NIPAL1: variants seen among roughly 807,000 people sequenced by gnomAD.
NIPAL1 encodes magnesium transporter NIPA3.
A neutral mutation model predicts 37.7 loss-of-function variants in NIPAL1; 35 were observed. That is an observed-to-expected ratio of 0.93 (90% CI 0.71 to 1.23). The LOEUF (loss-of-function observed/expected upper bound fraction) is 1.23, where lower values mean the gene tolerates loss of function less well. Ranked by LOEUF, NIPAL1 falls within the 50% of genes most tolerant of loss-of-function variation. The probability of loss-of-function intolerance (pLI) is 0.00; values close to 1 mark genes in which losing one functional copy is unlikely to be tolerated. For synonymous variants in NIPAL1, 162 were observed against 183.0 expected, an observed-to-expected ratio of 0.89 and a Z score of 0.93; for missense variants, 412 against 473.9, an observed-to-expected ratio of 0.87 and a Z score of 1.21.
At chr4:48,031,842 G>A (rs372147908) in intron 3 of NIPAL1, among the ~76,000 whole-genome samples, 2 of 151,934 alleles carry the variant, frequency 1.3e-5, no homozygotes, top group East Asian at 1.9e-4. Flanking sequence ...AGATTCAAAC[G>A]ATTCTCCTGC....
chr4:48,030,088 T>G (rs1429710731), intron 2 of NIPAL1, 32 bp from the exon 3 acceptor site: 1 of 1,412,310 alleles, frequency 7.1e-7, no homozygotes, highest in South Asian at 1.2e-5. Context: ...GTAGAACCCA[T>G]TTTTTGTTAA....
chr4:48,039,033 T>A lies in NIPAL1; in HGVS notation c.*2861T>A, dbSNP rs1215662660. On this transcript the variant is annotated 3_prime_UTR_variant, in exon 6 of 6. Transcript: ENST00000295461. ...GATGCACATGCATTAAAAAAAAAAA[T>A]GTTGTTGCAAATCTAACACTAAAAA... is the stretch of plus-strand genomic sequence containing the variant. 2 of 150,238 alleles carry A rather than the reference T, an allele frequency of 1.3e-5. No individual in the cohort carries two copies. Among genetic ancestry groups the A allele is most frequent in the African/African-American group, 4.9e-5 (2 of 40,476 alleles). 9.3% of individuals were successfully genotyped at this position (150,238 alleles called of 1,614,324 possible). A position where few individuals can be genotyped will look rare whatever the true frequency, so the allele number is the denominator to read the frequency against.
intron 1 of NIPAL1, among the ~76,000 whole-genome samples, chr4:48,017,872 A>G (rs1399273660): frequency 6.6e-6 from 1 of 151,664 alleles, no homozygotes; most frequent in Non-Finnish European, 1.5e-5. Context: ...ACATATATAT[A>G]TATATATATG....
intron 3 of NIPAL1, 35 bp from the exon 4 acceptor site, chr4:48,032,958 C>A (rs767559191): frequency 2.0e-6 from 3 of 1,468,812 alleles, no homozygotes; most frequent in Non-Finnish European, 2.9e-6. Context: ...CAAGTAAGCC[C>A]ATTTTTTATA....
At chr4:48,024,125 A>ACCATGC in intron 1 of NIPAL1, among the ~76,000 whole-genome samples, 1 of 151,892 alleles carries the variant, frequency 6.6e-6, no homozygotes, top group Non-Finnish European at 1.5e-5. Context: ...GGCATGCACC[A>ACCATGC]CCATGCCCAT....
In NIPAL1 at chr4:48,036,198, C is replaced by G. The variant is rs776814370; in HGVS notation, c.*26C>G. 1 of 1,568,434 alleles carries G rather than the reference C, an allele frequency of 6.4e-7. No individual in the cohort carries two copies. Among genetic ancestry groups the G allele is most frequent in the South Asian group, 1.2e-5 (1 of 81,742 alleles). On this transcript the variant is annotated 3_prime_UTR_variant, in exon 6 of 6. Transcript: ENST00000295461. The stretch of plus-strand genomic sequence containing the variant: ...AGTCTCTAGAAACACTGAGTTTTAA[C>G]CAATATGAGACACACGAAGAGGAAA...
intron 1 of NIPAL1, among the ~76,000 whole-genome samples, chr4:48,021,738 C>A (rs1311278401): frequency 1.3e-5 from 2 of 152,024 alleles, no homozygotes; most frequent in African/African-American, 4.8e-5. Context: ...ATTACACTTT[C>A]ATAGGTGCAA....
chr4:48,030,040 C>T (rs952649003), intron 2 of NIPAL1, 80 bp from the exon 3 acceptor site: 23 of 789,862 alleles, frequency 2.9e-5, no homozygotes, highest in South Asian at 7.4e-5. Flanking sequence ...TAATCCAGTA[C>T]GCTTCCTAGA....
chr4:48,035,211 AT>A (rs780197884), intron 5 of NIPAL1, among the ~76,000 whole-genome samples, 170 bp downstream of exon 5: 39 of 152,308 alleles, frequency 2.6e-4, no homozygotes, highest in Non-Finnish European at 4.6e-4. Context: ...GGCAGAACTT[AT>A]TTTTGTGTTC....
At chr4:48,019,735 G>A (rs530560866) in intron 1 of NIPAL1, among the ~76,000 whole-genome samples, 58 of 152,218 alleles carry the variant, frequency 3.8e-4, no homozygotes, top group South Asian at 3.3e-3. Context: ...GATTTTTTTC[G>A]GAATGAGAAG....
At chr4:48,023,935 A>T (rs1166617682) in intron 1 of NIPAL1, among the ~76,000 whole-genome samples, 2 of 151,974 alleles carry the variant, frequency 1.3e-5, no homozygotes, top group Admixed American at 1.3e-4. Context: ...ATACCCACCA[A>T]ATGACTCATA....
Position 48,036,167 on chromosome 4 carries a change from G to T in NIPAL1, c.1228G>T (p.Asp410Tyr), listed in dbSNP as rs1263496433. Residue 410 changes from aspartate (D) to tyrosine (Y), a missense_variant, in exon 6 of 6, where the codon GAC (aspartate) becomes TAC (tyrosine). By Grantham distance (160) the Asp-to-Tyr change is radical. Coordinates refer to ENST00000295461, the MANE Select transcript of NIPAL1 (RefSeq NM_207330.3). ...DDVTLFSRTD[D>Y] ...CGTTACCTTGTTTAGTAGAACTGATGACTGAAGTCTCTAGAAACACTGAGT... is the reference window on the plus strand; with the variant it reads ...CGTTACCTTGTTTAGTAGAACTGATTACTGAAGTCTCTAGAAACACTGAGT... 2.5e-6 allele frequency: 4 copies of T among 1,595,020 alleles called. No individual in the cohort carries two copies. In the South Asian group the frequency reaches 4.6e-5, roughly 18 times the overall value.
At position 48,016,825 on chromosome 4, in the gene NIPAL1, C is replaced by G; in HGVS notation, c.-15C>G. ...GGAGCAAGCGCCCGCGTTCCGGAAG[C>G]CCGCTCCCGGGGCCATGGGGGCACA... On this transcript the variant is annotated 5_prime_UTR_variant, in exon 1 of 6. Coordinates refer to ENST00000295461, the MANE Select transcript of NIPAL1 (RefSeq NM_207330.3). 9 of 1,568,880 alleles carry G rather than the reference C, an allele frequency of 5.7e-6. No individual in the cohort carries two copies. Among genetic ancestry groups the G allele is most frequent in the Non-Finnish European group, 6.0e-6 (7 of 1,162,096 alleles).
chr4:48,039,850 C>T lies in NIPAL1; in HGVS notation c.*3678C>T, dbSNP rs909876373. 1.3e-5 allele frequency: 2 copies of T among 152,168 alleles called. No individual in the cohort carries two copies. Among genetic ancestry groups the T allele is most frequent in the African/African-American group, 4.8e-5 (2 of 41,452 alleles). 9.4% of individuals were successfully genotyped at this position (152,168 alleles called of 1,614,324 possible). On this transcript the variant is annotated 3_prime_UTR_variant, in exon 6 of 6. Transcript: ENST00000295461. ...TGAGTGCCTATTTTTATACATTCAT[C>T]TTTTCTCAATTTGTCACATTATCTC...
rs760616192 is a variant in NIPAL1, at chr4:48,034,930, A to C, written c.511A>C (p.Lys171Gln). Residue 171 changes from lysine (K) to glutamine (Q), a missense_variant, in exon 5 of 6, where the codon AAA (lysine) becomes CAA (glutamine). Coordinates refer to ENST00000295461, the MANE Select transcript of NIPAL1 (RefSeq NM_207330.3). ...AAACGAGCACTTGAACATTCATGGG[A>C]AAATAGGCTGCATATTAAGTATATT... Reference protein sequence around the residue: ...FLNEHLNIHGKIGCILSILGS... With the variant: ...FLNEHLNIHGQIGCILSILGS... 6.2e-7 allele frequency: 1 copy of C among 1,612,864 alleles called. No individual in the cohort carries two copies. Among genetic ancestry groups the C allele is most frequent in the South Asian group, 1.1e-5 (1 of 91,054 alleles).
intron 4 of NIPAL1, 86 bp from the exon 5 acceptor site, chr4:48,034,795 C>T: frequency 1.1e-6 from 1 of 949,882 alleles, no homozygotes; most frequent in Non-Finnish European, 1.7e-6. Flanking sequence ...TACATGGTGG[C>T]ATGTACCACA....
At position 48,034,840 on chromosome 4, in the gene NIPAL1, A is replaced by T. The variant is rs746645081; in HGVS notation, c.462-41A>T. ...CTGAGCTGCCATGGGATCAAAAGGT[A>T]ATTGAGCTATAGTGATTTTTAATTT... On this transcript the variant is annotated intron_variant, in intron 4 of 5. Transcript: ENST00000295461. The T allele has an allele frequency of 6.7e-6, 10 of 1,500,586 alleles. No homozygotes were observed. The African/African-American group carries it at 1.4e-4, about 21-fold the overall frequency. 93.0% of individuals were successfully genotyped at this position (1,500,586 alleles called of 1,614,324 possible).
intron 2 of NIPAL1, among the ~76,000 whole-genome samples, chr4:48,026,671 A>G (rs1015206614): frequency 6.6e-6 from 1 of 152,136 alleles, no homozygotes; most frequent in African/African-American, 2.4e-5. Flanking sequence ...GCTTCACACC[A>G]TTCAGCAAAA....
In NIPAL1 at chr4:48,036,053, A is replaced by G; in HGVS notation, c.1114A>G (p.Lys372Glu). Reference protein sequence around the residue: ...ITWSELTSTAKKEAVSLNVNE... With the variant: ...ITWSELTSTAEKEAVSLNVNE... ...TTGGAGTGAGCTTACATCCACTGCT[A>G]AGAAAGAAGCCGTCTCTCTGAATGT... The change falls in exon 6 of 6, where the codon AAG (lysine) becomes GAG (glutamate). Residue 372 changes from lysine to glutamate, a missense_variant. Lys to Glu is a moderately conservative substitution (Grantham distance 56). Coordinates refer to ENST00000295461, the MANE Select transcript of NIPAL1 (RefSeq NM_207330.3). 1 of 1,610,132 alleles carries G rather than the reference A, an allele frequency of 6.2e-7. No homozygotes were observed. The highest frequency in any genetic ancestry group is 8.5e-7 in the Non-Finnish European group (1 of 1,179,204).
Sources: gnomAD v4.1 joint callset for allele counts (sites outside exome capture counted in the v4.1 genomes callset) on GRCh38, gnomAD v4.1.1 for gene constraint, MANE v1.5 for transcripts, NCBI Gene and HGNC (gene_info 2026-07-23, HGNC 2026-07-21) for gene names.